Variants in RBPJ observed in about 807,000 individuals in gnomAD.
RBPJ encodes the protein recombining binding protein suppressor of hairless.
A neutral mutation model predicts 67.8 loss-of-function variants in RBPJ; 9 were observed. That is an observed-to-expected ratio of 0.13 (90% CI 0.08 to 0.23). RBPJ has a LOEUF of 0.23. Among genes scored for constraint, RBPJ ranks in the 10% least tolerant of loss-of-function variants. RBPJ has a pLI of 1.00. For synonymous variants in RBPJ, 198 were observed against 203.3 expected (o/e 0.97, Z 0.22); for missense variants, 305 against 595.6 (o/e 0.51, Z 5.08).
intron 2 of RBPJ, among the ~76,000 whole-genome samples, chr4:26,397,633 TTTG>T (rs950810863): frequency 2.9e-4 from 44 of 152,236 alleles, no homozygotes; most frequent in African/African-American, 5.5e-4. Flanking sequence ...TAACTCTTTT[TTTG>T]TTGTTGTTGT....
intron 1 of RBPJ, among the ~76,000 whole-genome samples, chr4:26,341,361 T>G (rs1002437154): frequency 2.6e-5 from 4 of 152,156 alleles, no homozygotes; most frequent in African/African-American, 9.7e-5. Flanking sequence ...ATGCCTGTAC[T>G]CCCAGCACTT....
At chr4:26,392,948 G>A (rs1731679877) in intron 2 of RBPJ, among the ~76,000 whole-genome samples, 1 of 152,040 alleles carries the variant, frequency 6.6e-6, no homozygotes, top group Non-Finnish European at 1.5e-5. Flanking sequence ...GTTTTGTTTT[G>A]TTTGAGACGG....
intron 1 of RBPJ, among the ~76,000 whole-genome samples, chr4:26,208,047 G>C (rs996786747): frequency 6.6e-6 from 1 of 152,194 alleles, no homozygotes; most frequent in Admixed American, 6.5e-5. Context: ...AGGAAACTAG[G>C]GTTTCAAGAC....
At chr4:26,315,427 T>C (rs558673366), upstream of RBPJ, among the ~76,000 whole-genome samples, 62 of 150,778 alleles carry the variant, frequency 4.1e-4, no homozygotes, top group South Asian at 2.5e-3. Flanking sequence ...AGGGAGGGGG[T>C]GTACGAACAG....
chr4:26,184,412 GAAACA>G (rs1453697311), intron 1 of RBPJ, among the ~76,000 whole-genome samples: 10 of 152,006 alleles, frequency 6.6e-5, no homozygotes, highest in Non-Finnish European at 1.5e-4. Flanking sequence ...TTACTAAAAC[GAAACA>G]TCAAGGATGG....
chr4:26,364,322 T>C (rs1728378519), intron 1 of RBPJ, among the ~76,000 whole-genome samples: 1 of 152,252 alleles, frequency 6.6e-6, no homozygotes, highest in Non-Finnish European at 1.5e-5. Context: ...GATAGAATCA[T>C]CTGCTTATTA....
At chr4:26,330,128 A>G (rs944133958) in intron 1 of RBPJ, among the ~76,000 whole-genome samples, 6 of 152,228 alleles carry the variant, frequency 3.9e-5, no homozygotes, top group Non-Finnish European at 5.9e-5. Flanking sequence ...CCTTTTTAAC[A>G]AAGTGTTGTG....
At chr4:26,191,134 G>A (rs1409245242) in intron 1 of RBPJ, among the ~76,000 whole-genome samples, 2 of 104,146 alleles carry the variant, frequency 1.9e-5, no homozygotes, top group East Asian at 3.3e-4. Context: ...CCTGGGCAAC[G>A]GAATGAGACC....
the RBPJ span, among the ~76,000 whole-genome samples, chr4:26,143,996 T>C: frequency 9.2e-5 from 14 of 152,294 alleles, no homozygotes; most frequent in Admixed American, 7.2e-4. Context: ...AAAGACATTA[T>C]TGTAGAAAAA....
chr4:26,321,171 TCGCGTGCGCCGAGCGCGGCGGCGG>T (rs1722996886), intron 1 of RBPJ, 123 bp downstream of exon 1: 1 of 392,722 alleles, frequency 2.5e-6, no homozygotes, highest in East Asian at 6.8e-5. Context: ...GGGGGCGGCG[TCGCGTGCGCCGAGCGCGGCGGCGG>T]CGGCGTGTGG....
intron 1 of RBPJ, among the ~76,000 whole-genome samples, chr4:26,357,175 C>T (rs1401814729): frequency 6.6e-6 from 1 of 152,182 alleles, no homozygotes; most frequent in Non-Finnish European, 1.5e-5. Context: ...GGTTTTAAAA[C>T]TAGAGCTTTA....
At chr4:26,275,619 TTTTG>T in intron 1 of RBPJ, among the ~76,000 whole-genome samples, 1 of 58,962 alleles carries the variant, frequency 1.7e-5, no homozygotes, top group Non-Finnish European at 4.3e-5. Context: ...ATCATAGGTT[TTTTG>T]TTTTGTTTTG....
At chr4:26,313,495 G>A (rs892220736) in intron 1 of RBPJ, among the ~76,000 whole-genome samples, 6 of 151,722 alleles carry the variant, frequency 4.0e-5, no homozygotes, top group Admixed American at 6.6e-5. Flanking sequence ...GTGAAACCCC[G>A]TCTCTACCAA....
intron 1 of RBPJ, chr4:26,322,053 A>T (rs1336548964): frequency 1.3e-5 from 2 of 151,404 alleles, no homozygotes; most frequent in Non-Finnish European, 2.9e-5. Context: ...GCTTGGAAAC[A>T]GTAGCCTTGG....
upstream of RBPJ, chr4:26,320,531 AC>A (rs1234463689): frequency 1.4e-5 from 7 of 509,218 alleles, no homozygotes; most frequent in Middle Eastern, 3.9e-4. Context: ...ATAGCTGGGA[AC>A]CCAGAGTGAG....
At chr4:26,213,331 A>G (rs1045441184) in intron 1 of RBPJ, among the ~76,000 whole-genome samples, 4 of 152,214 alleles carry the variant, frequency 2.6e-5, no homozygotes, top group Admixed American at 1.3e-4. Context: ...ATTTCACACC[A>G]AAGTCCTCTG....
At chr4:26,364,969 C>T (rs1728478623) in intron 1 of RBPJ, among the ~76,000 whole-genome samples, 1 of 151,922 alleles carries the variant, frequency 6.6e-6, no homozygotes, top group African/African-American at 2.4e-5. Context: ...CTGGGGTCAC[C>T]TCACCTGCAT....
the RBPJ span, among the ~76,000 whole-genome samples, chr4:26,152,273 G>A: frequency 0.38 from 57,939 of 152,158 alleles, 11,757 homozygotes; most frequent in East Asian, 0.6. Context: ...CTTCCAGCAC[G>A]TGGTTTGCCA....
In RBPJ at chr4:26,430,997, T is replaced by A; in HGVS notation, c.1454T>A (p.Val485Glu). 1 of 1,613,326 alleles carries A rather than the reference T, an allele frequency of 6.2e-7. No homozygotes were observed. Among genetic ancestry groups the A allele is most frequent in the African/African-American group, 1.3e-5 (1 of 74,958 alleles). The change falls in exon 11 of 11, where the codon GTG (valine) becomes GAG (glutamate). Residue 485 changes from valine to glutamate, a missense_variant. Transcript: ENST00000355476. This position sits in a 1 kb window ranked among gnomAD's most constrained non-coding sequence, Gnocchi z 4.1. ...AGTGTCACATCATCTACAGCCACAG[T>A]GGTATCCTAACTACCGTCTTTTTGC... Reference protein sequence around the residue: ...STSVTSSTATVVS With the variant: ...STSVTSSTATEVS
Sources: allele counts gnomAD v4.1 joint callset (sites outside exome capture counted in the v4.1 genomes callset), GRCh38; gene constraint gnomAD v4.1.1; non-coding constraint Gnocchi (gnomAD v3.1); transcripts MANE v1.5; gene names NCBI Gene and HGNC (gene_info 2026-07-23, HGNC 2026-07-21).